PSMG3: variants seen among roughly 807,000 people sequenced by gnomAD.
PSMG3 encodes the protein PAC-3.
In PSMG3, 4 loss-of-function variants were observed where a neutral mutation model predicts 7.9. The ratio of observed to expected loss-of-function variants is 0.51; its 90% CI spans 0.25 to 1.16. PSMG3 has a LOEUF of 1.16. Among genes scored for constraint, PSMG3 ranks in the 50% most tolerant of loss-of-function variants. The pLI, the probability that PSMG3 is intolerant of heterozygous loss-of-function variation, is 0.15. For synonymous variants in PSMG3, 81 were observed against 69.8 expected, an observed-to-expected ratio of 1.16 and a Z score of -0.80; for missense variants, 151 against 157.4, an observed-to-expected ratio of 0.96 and a Z score of 0.22.
rs750583165 is a variant in PSMG3, at chr7:1,567,775, CGAG to C, written c.289_291del (p.Leu97del). On this transcript the variant is annotated inframe_deletion, in exon 2 of 2. Coordinates refer to ENST00000288607, the MANE Select transcript of PSMG3 (RefSeq NM_032302.4). The stretch of plus-strand genomic sequence containing the variant: ...ATGCTTTTGTCCTTCACGGCCACGG[CGAG>C]GAGGACTGCTCTGTTTCCAGCTTCT... 3.1e-6 allele frequency: 5 copies of C among 1,614,148 alleles called. No individual in the cohort carries two copies. The highest frequency in any genetic ancestry group is 2.2e-5 in the East Asian group (1 of 44,886).
At position 1,569,864 on chromosome 7, in the gene PSMG3, C is replaced by CG. The variant is rs1295926000; in HGVS notation, c.-526dup. ...GACTTGCACGTTCACACTGCCAGGC[C>CG]GGGCAGTGGCTTCCCGCCCCTCGGC... On this transcript the variant is annotated 5_prime_UTR_variant, in exon 1 of 2. Transcript: ENST00000288607. 6.6e-6 allele frequency: 1 copy of CG among 152,020 alleles called. No homozygotes were observed. Among genetic ancestry groups the CG allele is most frequent in the Non-Finnish European group, 1.5e-5 (1 of 67,986 alleles). The allele number at this position is 152,020 out of a possible 1,614,324, so 9.4% of individuals were successfully genotyped here. A position where few individuals can be genotyped will look rare whatever the true frequency, so the allele number is the denominator to read the frequency against.
At chr7:1,569,075 G>A (rs1370416235) in intron 1 of PSMG3, 49 bp downstream of exon 1, 1 of 1,553,904 alleles carries the variant, frequency 6.4e-7, no homozygotes, top group Non-Finnish European at 8.9e-7. Context: ...GCCTCTGAAA[G>A]TGCTAGGGTT....
rs1778856966 is a variant in PSMG3, at chr7:1,569,897, C to A, written c.-558G>T. 6.6e-6 allele frequency: 1 copy of A among 151,980 alleles called. No homozygotes were observed. The highest frequency in any genetic ancestry group is 1.5e-5 in the Non-Finnish European group (1 of 67,986). 9.4% of individuals were successfully genotyped at this position (151,980 alleles called of 1,614,324 possible). A position where few individuals can be genotyped will look rare whatever the true frequency, so the allele number is the denominator to read the frequency against. Reference sequence around the variant, plus strand: ...GGCTTCCCGCCCCTCGGCCTCGCCGCCGCCCCGGCCCTGCAGCCGCGGCCC... The same window carrying A: ...GGCTTCCCGCCCCTCGGCCTCGCCGACGCCCCGGCCCTGCAGCCGCGGCCC... On this transcript the variant is annotated 5_prime_UTR_variant, in exon 1 of 2. Transcript: ENST00000288607.
rs748217497 is a variant in PSMG3, at chr7:1,567,718, G to A, written c.349C>T (p.Arg117Trp). The stretch of plus-strand genomic sequence containing the variant: ...CCAGGTCACCACACCTGGCACACCC[G>A]GATCACCTCCCTCAGCGCCTTCAGC... ...EGLKALREVIRVCQVW is the reference protein window; with the variant it reads ...EGLKALREVIWVCQVW The change falls in exon 2 of 2, where the codon CGG becomes TGG. Residue 117 changes from arginine to tryptophan, a missense_variant. Transcript: ENST00000288607. 1.1e-5 allele frequency: 17 copies of A among 1,613,970 alleles called. No individual in the cohort carries two copies. The highest frequency in any genetic ancestry group is 6.7e-5 in the East Asian group (3 of 44,874).
At position 1,567,511 on chromosome 7, in the gene PSMG3, G is replaced by A. The variant is rs889379076; in HGVS notation, c.*187C>T. ...CTCCGGGACCTGTTCCACCCTCCCCGTCATGCACAGATGATCTTAGTAACC... is the reference window on the plus strand; with the variant it reads ...CTCCGGGACCTGTTCCACCCTCCCCATCATGCACAGATGATCTTAGTAACC... On this transcript the variant is annotated 3_prime_UTR_variant, in exon 2 of 2. Transcript: ENST00000288607. The A allele has an allele frequency of 3.1e-5, 17 of 556,798 alleles. No homozygotes were observed. Among genetic ancestry groups the A allele is most frequent in the African/African-American group, 2.3e-4 (12 of 51,990 alleles). The allele number at this position is 556,798 out of a possible 1,614,324, so 34.5% of individuals were successfully genotyped here.
In PSMG3 at chr7:1,569,903, C is replaced by T. The variant is rs1008973291; in HGVS notation, c.-564G>A. 2 of 151,962 alleles carry T rather than the reference C, an allele frequency of 1.3e-5. No homozygotes were observed. Among genetic ancestry groups the T allele is most frequent in the African/African-American group, 4.8e-5 (2 of 41,434 alleles). The allele number at this position is 151,962 out of a possible 1,614,324, so 9.4% of individuals were successfully genotyped here. ...CCGCCCCTCGGCCTCGCCGCCGCCCCGGCCCTGCAGCCGCGGCCCGGGACC... is the reference window on the plus strand; with the variant it reads ...CCGCCCCTCGGCCTCGCCGCCGCCCTGGCCCTGCAGCCGCGGCCCGGGACC... On this transcript the variant is annotated 5_prime_UTR_variant, in exon 1 of 2. Coordinates refer to ENST00000288607, the MANE Select transcript of PSMG3 (RefSeq NM_032302.4).
In PSMG3 at chr7:1,567,443, C is replaced by A; in HGVS notation, c.*255G>T. 1 of 372,288 alleles carries A rather than the reference C, an allele frequency of 2.7e-6. No homozygotes were observed. Among genetic ancestry groups the A allele is most frequent in the Non-Finnish European group, 4.8e-6 (1 of 209,122 alleles). 23.1% of individuals were successfully genotyped at this position (372,288 alleles called of 1,614,324 possible). A position where few individuals can be genotyped will look rare whatever the true frequency, so the allele number is the denominator to read the frequency against. On this transcript the variant is annotated 3_prime_UTR_variant, in exon 2 of 2. Coordinates refer to ENST00000288607, the MANE Select transcript of PSMG3 (RefSeq NM_032302.4). ...CTGACTCATTCCTCCAATTCTCAAA[C>A]ACAAGCAACGATTCAGGTCCTGGTG...
intron 1 of PSMG3, 76 bp downstream of exon 1, chr7:1,569,048 G>A: frequency 7.6e-7 from 1 of 1,317,466 alleles, no homozygotes; most frequent in Non-Finnish European, 1.1e-6. Context: ...CTGGCCTCAA[G>A]CGATCTGCCC....
intron 1 of PSMG3, among the ~76,000 whole-genome samples, 159 bp downstream of exon 1, chr7:1,568,965 T>C (rs1409682112): frequency 6.6e-6 from 1 of 152,108 alleles, no homozygotes; most frequent in Non-Finnish European, 1.5e-5. Flanking sequence ...ATATATATAT[T>C]TTGTGTAGGC....
At chr7:1,568,228 G>A (rs867481178) in intron 1 of PSMG3, among the ~76,000 whole-genome samples, 7 of 152,086 alleles carry the variant, frequency 4.6e-5, no homozygotes, top group Admixed American at 6.6e-5. Context: ...CAGGGGAGGC[G>A]GCTCGAATGA....
Position 1,569,746 on chromosome 7 carries a change from T to C in PSMG3, c.-407A>G, listed in dbSNP as rs903271942. ...CACCATTGCATTACAACCCGGGCGG[T>C]AGAGCGAGACCCTGTCCGTAAAAAA... On this transcript the variant is annotated 5_prime_UTR_variant, in exon 1 of 2. Transcript: ENST00000288607. 1.8e-5 allele frequency: 3 copies of C among 163,758 alleles called. No individual in the cohort carries two copies. The highest frequency in any genetic ancestry group is 7.2e-5 in the African/African-American group (3 of 41,516). The allele number at this position is 163,758 out of a possible 1,614,324, so 10.1% of individuals were successfully genotyped here.
Position 1,569,143 on chromosome 7 carries a change from A to C in PSMG3, c.197T>G (p.Val66Gly). 1.2e-6 allele frequency: 2 copies of C among 1,613,440 alleles called. No individual in the cohort carries two copies. The highest frequency in any genetic ancestry group is 1.7e-6 in the Non-Finnish European group (2 of 1,179,992). ...CTTTACCTCATCCTGCCCCAGAAGG[A>C]CTTTTGTGGTGAGCACAGGCTTGCT... ...DVSKPVLTTK[V>G]LLGQDEPLIH... Residue 66 changes from valine to glycine, a missense_variant, in exon 1 of 2, where the codon GTC (valine) becomes GGC (glycine). Transcript: ENST00000288607.
At position 1,569,714 on chromosome 7, in the gene PSMG3, G is replaced by A; in HGVS notation, c.-375C>T. On this transcript the variant is annotated 5_prime_UTR_variant, in exon 1 of 2. In the 5' UTR this introduces an upstream ATG that the reference lacks. Coordinates refer to ENST00000288607, the MANE Select transcript of PSMG3 (RefSeq NM_032302.4). ...CGGGAGGTCGAGGCTGCGGTGAGCC[G>A]TGATCACACCATTGCATTACAACCC... The A allele has an allele frequency of 5.0e-6, 1 of 200,084 alleles. No individual in the cohort carries two copies. The highest frequency in any genetic ancestry group is 1.0e-5 in the Non-Finnish European group (1 of 96,384). 12.4% of individuals were successfully genotyped at this position (200,084 alleles called of 1,614,324 possible).
Position 1,567,690 on chromosome 7 carries a change from C to G in PSMG3, c.*8G>C. On this transcript the variant is annotated 3_prime_UTR_variant, in exon 2 of 2. Coordinates refer to ENST00000288607, the MANE Select transcript of PSMG3 (RefSeq NM_032302.4). ...CCTGCTGAGCAGCGCGGGGCGGCTG[C>G]CTCCAGGTCACCACACCTGGCACAC... The G allele has an allele frequency of 1.2e-6, 2 of 1,612,876 alleles. No individual in the cohort carries two copies. Among genetic ancestry groups the G allele is most frequent in the East Asian group, 2.2e-5 (1 of 44,862 alleles).
chr7:1,568,508 C>G (rs1364380385), intron 1 of PSMG3, among the ~76,000 whole-genome samples: 1 of 151,798 alleles, frequency 6.6e-6, no homozygotes, highest in Admixed American at 6.6e-5. Flanking sequence ...CTCTCTCACC[C>G]AGGCTGGAGC....
chr7:1,569,274 C>T lies in PSMG3; in HGVS notation c.66G>A (p.Gln22=). ...KTEVVCGVPT[Q]VVCTAFSSHI... ...GACTGCTGAAGGCCGTACACACCAC[C>T]TGGGTGGGGACCCCGCACACCACCT... The change falls in exon 1 of 2, where the codon CAG becomes CAA. Residue 22 remains glutamine, a synonymous_variant. Coordinates refer to ENST00000288607, the MANE Select transcript of PSMG3 (RefSeq NM_032302.4). 3 of 1,613,580 alleles carry T rather than the reference C, an allele frequency of 1.9e-6. No individual in the cohort carries two copies. The highest frequency in any genetic ancestry group is 2.5e-6 in the Non-Finnish European group (3 of 1,180,012).
In PSMG3 at chr7:1,567,571, T is replaced by C. The variant is rs981200680; in HGVS notation, c.*127A>G. On this transcript the variant is annotated 3_prime_UTR_variant, in exon 2 of 2. Transcript: ENST00000288607. ...GTCTGCCTGAGACACGAGTCTTTTT[T>C]CCTGGCTCCAAGGGCTAGTGCCAAA... 5.7e-6 allele frequency: 5 copies of C among 880,728 alleles called. No individual in the cohort carries two copies. In the African/African-American group the frequency reaches 8.4e-5, roughly 15 times the overall value. 54.6% of individuals were successfully genotyped at this position (880,728 alleles called of 1,614,324 possible). A position where few individuals can be genotyped will look rare whatever the true frequency, so the allele number is the denominator to read the frequency against.
chr7:1,569,256 G>A lies in PSMG3; in HGVS notation c.84C>T (p.Phe28=). The change falls in exon 1 of 2, where the codon TTC becomes TTT. Residue 28 remains phenylalanine (F), a synonymous_variant. Coordinates refer to ENST00000288607, the MANE Select transcript of PSMG3 (RefSeq NM_032302.4). ...GVPTQVVCTA[F]SSHILVVVTQ... is the part of the protein sequence containing the mutation. ...TCACCACCACCAGGATGTGACTGCT[G>A]AAGGCCGTACACACCACCTGGGTGG... The A allele has an allele frequency of 1.9e-6, 3 of 1,613,728 alleles. No individual in the cohort carries two copies. The highest frequency in any genetic ancestry group is 2.5e-6 in the Non-Finnish European group (3 of 1,180,016).
chr7:1,569,288 C>A lies in PSMG3; in HGVS notation c.52G>T (p.Gly18Trp). 6.2e-7 allele frequency: 1 copy of A among 1,612,878 alleles called. No homozygotes were observed. The highest frequency in any genetic ancestry group is 8.5e-7 in the Non-Finnish European group (1 of 1,179,826). The stretch of plus-strand genomic sequence containing the variant: ...GTACACACCACCTGGGTGGGGACCC[C>A]GCACACCACCTCCGTCTTCTGCTTC... ...ISKQKTEVVC[G>W]VPTQVVCTAF... The change falls in exon 1 of 2, where the codon GGG becomes TGG. Residue 18 changes from glycine to tryptophan, a missense_variant. Coordinates refer to ENST00000288607, the MANE Select transcript of PSMG3 (RefSeq NM_032302.4).
Sources: allele counts gnomAD v4.1 joint callset (sites outside exome capture counted in the v4.1 genomes callset), GRCh38; gene constraint gnomAD v4.1.1; transcripts MANE v1.5; gene names NCBI Gene and HGNC (gene_info 2026-07-23, HGNC 2026-07-21).